The following SPATS2 variants were observed in gnomAD, a reference collection of about 807,000 sequenced individuals.
The protein encoded by SPATS2 is spermatogenesis associated serine rich 2, also known as spermatogenesis-associated serine-rich protein 2.
SPATS2 carries 38 observed loss-of-function variants against 63.7 expected under a neutral mutation model. The observed-to-expected ratio is 0.60, with a 90% CI of 0.46 to 0.78. The LOEUF is 0.78. Ranked by LOEUF, SPATS2 falls within the 30% of genes least tolerant of loss-of-function variation. The pLI, the probability that SPATS2 is intolerant of heterozygous loss-of-function variation, is 0.00. For missense variants in SPATS2, 588 were observed against 666.2 expected (o/e 0.88, Z 1.29); for synonymous variants, 207 against 232.9 (o/e 0.89, Z 1.01).
intron 2 of SPATS2, among the ~76,000 whole-genome samples, chr12:49,446,140 G>A (rs1043256173): frequency 1.3e-5 from 2 of 152,134 alleles, no homozygotes; most frequent in Non-Finnish European, 2.9e-5. Context: ...CTGAGCTCAG[G>A]TGATCTGCCC....
intron 9 of SPATS2, 90 bp downstream of exon 9, chr12:49,500,295 A>C: frequency 7.4e-7 from 1 of 1,356,096 alleles, no homozygotes; most frequent in Non-Finnish European, 9.9e-7. Context: ...TCATTCATTC[A>C]TGACTAACTA....
At chr12:49,448,125 A>G (rs1391519646) in intron 2 of SPATS2, among the ~76,000 whole-genome samples, 1 of 147,496 alleles carries the variant, frequency 6.8e-6, no homozygotes, top group Non-Finnish European at 1.5e-5. Context: ...GATGTGTTAT[A>G]TTTTTATTTT....
chr12:49,494,769 C>T lies in SPATS2; in HGVS notation c.293C>T (p.Pro98Leu). ...AAAAAGAAGAAAAACAAACCGAAAC[C>T]TGCCGCAGAACCAAGTAACGGCATC... ...KNKKKKNKPK[P>L]AAEPSNGIPD... Residue 98 changes from proline to leucine, a missense_variant, in exon 7 of 14, where the codon CCT (proline) becomes CTT (leucine). By Grantham distance (98) the Pro-to-Leu change is moderately conservative. Transcript: ENST00000552918. 6.3e-7 allele frequency: 1 copy of T among 1,590,562 alleles called. No homozygotes were observed. The highest frequency in any genetic ancestry group is 8.5e-7 in the Non-Finnish European group (1 of 1,170,120).
intron 3 of SPATS2, among the ~76,000 whole-genome samples, chr12:49,476,365 C>T (rs780298514): frequency 5.9e-5 from 9 of 152,142 alleles, no homozygotes; most frequent in Non-Finnish European, 8.8e-5. Context: ...TTCTGGCTCC[C>T]CCATCTGCCG....
chr12:49,384,919 C>G lies in SPATS2; in HGVS notation c.-244+13629C>G, dbSNP rs150973372. On this transcript the variant is annotated intron_variant, in intron 2 of 13. Coordinates refer to ENST00000552918, the MANE Select transcript of SPATS2 (RefSeq NM_023071.4). ...TCGCTTCCCGGGTTCAAGCAATTATCCTGCCTCATCCTCCCGAGTAGCTGG... is the reference window on the plus strand; with the variant it reads ...TCGCTTCCCGGGTTCAAGCAATTATGCTGCCTCATCCTCCCGAGTAGCTGG... 8.7e-4 allele frequency among the ~76,000 whole-genome samples: 132 copies of G among 152,096 alleles called. 1 individual carries two copies. Among genetic ancestry groups the G allele is most frequent in the African/African-American group, 2.9e-3 (120 of 41,448 alleles).
chr12:49,462,622 TG>T, intron 3 of SPATS2: 1 of 593,872 alleles, frequency 1.7e-6, no homozygotes, highest in Non-Finnish European at 3.0e-6. Flanking sequence ...GTCACACGAA[TG>T]AATTGAAGGA....
chr12:49,483,178 T>C (rs1592443768), intron 3 of SPATS2, among the ~76,000 whole-genome samples: 1 of 148,406 alleles, frequency 6.7e-6, no homozygotes, highest in South Asian at 2.2e-4. Context: ...AGGCTAGTAA[T>C]AGAACCCAAA....
Position 49,496,947 on chromosome 12 carries a change from C to A in SPATS2, c.641C>A (p.Thr214Lys). 1 of 1,607,102 alleles carries A rather than the reference C, an allele frequency of 6.2e-7. No homozygotes were observed. The highest frequency in any genetic ancestry group is 8.5e-7 in the Non-Finnish European group (1 of 1,177,418). ...NAAKSLSRPT[T>K]ETQFSNMGME... Reference sequence around the variant, plus strand: ...GCCAAATCTCTCTCAAGACCTACCACAGAAACTCAGTTTTCAAATATGGGG... The same window carrying A: ...GCCAAATCTCTCTCAAGACCTACCAAAGAAACTCAGTTTTCAAATATGGGG... Residue 214 changes from threonine (T) to lysine (K), a missense_variant, in exon 8 of 14, where the codon ACA becomes AAA. By Grantham distance (78) the Thr-to-Lys change is moderately conservative (BLOSUM62 -1). Coordinates refer to ENST00000552918, the MANE Select transcript of SPATS2 (RefSeq NM_023071.4).
chr12:49,374,268 G>A (rs1256299565), intron 2 of SPATS2, among the ~76,000 whole-genome samples: 1 of 152,076 alleles, frequency 6.6e-6, no homozygotes, highest in African/African-American at 2.4e-5. Context: ...AGCTAGGACT[G>A]CAGGCACACA....
intron 1 of SPATS2, among the ~76,000 whole-genome samples, chr12:49,369,202 A>G (rs2137123502): frequency 6.6e-6 from 1 of 152,012 alleles, no homozygotes; most frequent in South Asian, 2.1e-4. Flanking sequence ...TAATTTTTGT[A>G]TTTTTAGTAG....
At chr12:49,511,469 A>T (rs1317884532) in intron 9 of SPATS2, among the ~76,000 whole-genome samples, 3 of 152,122 alleles carry the variant, frequency 2.0e-5, no homozygotes, top group Non-Finnish European at 4.4e-5. Flanking sequence ...TTTAGAATCT[A>T]GTCTGCCAGA....
intron 1 of SPATS2, among the ~76,000 whole-genome samples, chr12:49,368,359 T>C (rs1233078153): frequency 1.3e-5 from 2 of 152,212 alleles, no homozygotes; most frequent in Non-Finnish European, 2.9e-5. Flanking sequence ...TGTTCCTAAT[T>C]TACCTACGGT....
intron 12 of SPATS2, 28 bp downstream of exon 12, chr12:49,522,881 A>G (rs553834337): frequency 1.3e-6 from 2 of 1,580,244 alleles, no homozygotes; most frequent in East Asian, 4.5e-5. Context: ...TCTGGGCACT[A>G]CAGGTGGTGA....
chr12:49,475,427 C>CTTGTTGTTGTTG (rs111655814), intron 3 of SPATS2, among the ~76,000 whole-genome samples: 1 of 151,274 alleles, frequency 6.6e-6, no homozygotes, highest in South Asian at 2.1e-4. Flanking sequence ...TGGTAGAATT[C>CTTGTTGTTGTTG]TTGTTGTTGT....
intron 2 of SPATS2, among the ~76,000 whole-genome samples, chr12:49,390,641 T>G (rs970209100): frequency 2.6e-5 from 4 of 152,234 alleles, no homozygotes; most frequent in African/African-American, 9.6e-5. Flanking sequence ...TTACCTACTT[T>G]CACATTTATT....
intron 2 of SPATS2, among the ~76,000 whole-genome samples, chr12:49,381,336 G>GT (rs1944217818): frequency 6.6e-6 from 1 of 152,142 alleles, no homozygotes; most frequent in East Asian, 1.9e-4. Flanking sequence ...TAATACTATA[G>GT]TTGTAATTAT....
In SPATS2 at chr12:49,513,480, C is replaced by T. The variant is rs146053542; in HGVS notation, c.840-1075C>T. Among the ~76,000 whole-genome samples the T allele has an allele frequency of 1.9e-3, 294 of 152,198 alleles. 1 individual carries two copies. Among genetic ancestry groups the T allele is most frequent in the African/African-American group, 6.7e-3 (279 of 41,522 alleles). On this transcript the variant is annotated intron_variant, in intron 9 of 13. Transcript: ENST00000552918. ...ACTAGGGTACTACTGTCTCCTTATA[C>T]ATTGAAGGCTGTGGGCTCTTTTATA...
intron 6 of SPATS2, 38 bp from the exon 7 acceptor site, chr12:49,494,694 ATCTTTTCTT>A (rs1264675728): frequency 1.4e-6 from 2 of 1,463,606 alleles, no homozygotes; most frequent in South Asian, 3.0e-5. Flanking sequence ...TTGTGGGGGA[ATCTTTTCTT>A]TCTTTTCTTT....
chr12:49,520,905 G>A (rs1191279062), intron 11 of SPATS2, among the ~76,000 whole-genome samples: 1 of 151,904 alleles, frequency 6.6e-6, no homozygotes, highest in African/African-American at 2.4e-5. Flanking sequence ...TTTTAGTAGA[G>A]ACAGGGTTTC....
Sources: allele counts gnomAD v4.1 joint callset (sites outside exome capture counted in the v4.1 genomes callset), GRCh38; gene constraint gnomAD v4.1.1; transcripts MANE v1.5; gene names NCBI Gene and HGNC (gene_info 2026-07-23, HGNC 2026-07-21).